LRRC4C: variants seen among roughly 807,000 people sequenced by gnomAD.
The protein encoded by LRRC4C is leucine rich repeat containing 4C.
Under a neutral mutation model 33.6 loss-of-function variants are expected in LRRC4C, and 5 were observed. The ratio of observed to expected loss-of-function variants is 0.15; its 90% CI spans 0.08 to 0.31. The LOEUF is 0.31. LRRC4C is among the 10% of genes least tolerant of loss of function. The pLI is 1.00. For synonymous variants in LRRC4C, 329 were observed against 302.0 expected, an observed-to-expected ratio of 1.09 and a Z score of -0.93; for missense variants, 560 against 796.7, an observed-to-expected ratio of 0.70 and a Z score of 3.58.
At chr11:40,770,930 G>A (rs7944312) in intron 2 of LRRC4C, among the ~76,000 whole-genome samples, 113,762 of 151,846 alleles carry the variant, frequency 0.75, 42,835 homozygotes, top group Middle Eastern at 0.85. Flanking sequence ...TCATGCACTG[G>A]CATTGAGTAC....
chr11:40,773,161 A>C (rs1414730386), intron 2 of LRRC4C, among the ~76,000 whole-genome samples: 1 of 152,178 alleles, frequency 6.6e-6, no homozygotes, highest in African/African-American at 2.4e-5. Context: ...AATTAAACTC[A>C]TGGAGATAAG....
intron 1 of LRRC4C, among the ~76,000 whole-genome samples, chr11:41,264,125 C>T (rs912602912): frequency 5.4e-5 from 8 of 146,810 alleles, no homozygotes; most frequent in Non-Finnish European, 8.9e-5. Flanking sequence ...TGGAGTCTCG[C>T]TTTATTGCCA....
At chr11:41,239,017 A>G (rs992697382) in intron 1 of LRRC4C, among the ~76,000 whole-genome samples, 1 of 151,874 alleles carries the variant, frequency 6.6e-6, no homozygotes, top group African/African-American at 2.4e-5. Flanking sequence ...TTCTTTGTTA[A>G]ACTCCTCCAC....
intron 1 of LRRC4C, among the ~76,000 whole-genome samples, chr11:41,458,625 T>G (rs1008933853): frequency 1.3e-5 from 2 of 151,682 alleles, no homozygotes; most frequent in African/African-American, 4.8e-5. Flanking sequence ...GATGTTTGAC[T>G]AAAGTCACCT....
At chr11:41,383,337 T>A (rs1953229932) in intron 1 of LRRC4C, among the ~76,000 whole-genome samples, 1 of 152,116 alleles carries the variant, frequency 6.6e-6, no homozygotes. Context: ...GACAACTTTT[T>A]GTTTCTTTAA....
chr11:40,542,688 G>T (rs79180431), intron 3 of LRRC4C, among the ~76,000 whole-genome samples: 3,135 of 151,944 alleles, frequency 0.021, 120 homozygotes, highest in African/African-American at 0.072. Context: ...GCTCTTGCTG[G>T]TTAGATTTAT....
intron 3 of LRRC4C, among the ~76,000 whole-genome samples, chr11:40,532,891 G>A (rs760583792): frequency 1.5e-4 from 23 of 152,060 alleles, no homozygotes; most frequent in Non-Finnish European, 2.8e-4. Context: ...TACAATCAAG[G>A]CACAAGGAAA....
chr11:41,398,085 T>C (rs1017253826), intron 1 of LRRC4C, among the ~76,000 whole-genome samples: 2 of 151,942 alleles, frequency 1.3e-5, no homozygotes, highest in Admixed American at 6.6e-5. Context: ...TATTCTTCAA[T>C]GTGTAGAATT....
chr11:41,109,046 A>T (rs1424956846), intron 1 of LRRC4C, among the ~76,000 whole-genome samples: 1 of 152,060 alleles, frequency 6.6e-6, no homozygotes, highest in Non-Finnish European at 1.5e-5. Context: ...CTATATAGAT[A>T]ATTGTATTAG....
chr11:40,167,829 G>A (rs1041787184), intron 5 of LRRC4C, among the ~76,000 whole-genome samples: 4 of 152,110 alleles, frequency 2.6e-5, no homozygotes, highest in African/African-American at 9.7e-5. Context: ...TGGATCACCT[G>A]AGGTCATGAG....
At chr11:41,229,812 CT>C (rs756789091) in intron 1 of LRRC4C, among the ~76,000 whole-genome samples, 9 of 152,062 alleles carry the variant, frequency 5.9e-5, no homozygotes, top group African/African-American at 1.7e-4. Flanking sequence ...TTGTTTCCCC[CT>C]GATAACTCTG....
At chr11:40,960,324 A>T (rs1350240486) in intron 1 of LRRC4C, among the ~76,000 whole-genome samples, 1 of 151,782 alleles carries the variant, frequency 6.6e-6, no homozygotes, top group Non-Finnish European at 1.5e-5. Context: ...ATTAGATGTC[A>T]ATGATATGTA....
intron 2 of LRRC4C, among the ~76,000 whole-genome samples, chr11:40,674,300 T>C (rs544835050): frequency 2.0e-5 from 3 of 152,348 alleles, no homozygotes; most frequent in Admixed American, 2.0e-4. Context: ...GGCAGCTCCG[T>C]TCCAGTCAAT....
At chr11:40,987,680 A>ATATAT (rs1853157793) in intron 1 of LRRC4C, among the ~76,000 whole-genome samples, 1 of 31,634 alleles carries the variant, frequency 3.2e-5, no homozygotes, top group African/African-American at 1.0e-4. Flanking sequence ...TAAATGATAT[A>ATATAT]TATATATATA....
chr11:41,174,959 C>T (rs1048399399), intron 1 of LRRC4C, among the ~76,000 whole-genome samples: 1 of 151,766 alleles, frequency 6.6e-6, no homozygotes, highest in South Asian at 2.1e-4. Context: ...TTAATTAATG[C>T]CTTTAATTAA....
intron 1 of LRRC4C, among the ~76,000 whole-genome samples, chr11:40,973,803 T>C (rs1187452629): frequency 2.0e-5 from 3 of 152,318 alleles, no homozygotes; most frequent in African/African-American, 7.2e-5. Flanking sequence ...ATTCCATTGT[T>C]GATTTTTAAA....
At chr11:40,902,703 A>G (rs541965176) in intron 2 of LRRC4C, among the ~76,000 whole-genome samples, 1 of 152,290 alleles carries the variant, frequency 6.6e-6, no homozygotes, top group African/African-American at 2.4e-5. Flanking sequence ...TGATACGGAG[A>G]AAGTTTCAGA....
rs542438421 is a variant in LRRC4C, at chr11:40,146,356, C to T, written c.-95-5503G>A. 1.2e-4 allele frequency among the ~76,000 whole-genome samples: 18 copies of T among 152,202 alleles called. No individual in the cohort carries two copies. The South Asian group carries it at 2.7e-3, about 23-fold the overall frequency. ...TTGTTTGTCATTTTCAAAATATACA[C>T]CTAACAATAACAATAGCAAACCTAG... On this transcript the variant is annotated intron_variant, in intron 5 of 6. Transcript: ENST00000528697.
intron 3 of LRRC4C, among the ~76,000 whole-genome samples, chr11:40,451,793 A>G (rs1951900132): frequency 1.3e-5 from 2 of 152,216 alleles, no homozygotes; most frequent in Admixed American, 1.3e-4. Context: ...CGACTTAAAA[A>G]TAAATGGAGG....
Sources: allele counts gnomAD v4.1 joint callset (sites outside exome capture counted in the v4.1 genomes callset), GRCh38; gene constraint gnomAD v4.1.1; transcripts MANE v1.5; gene names NCBI Gene and HGNC (gene_info 2026-07-23, HGNC 2026-07-21).